The following DCP1B variants were observed in gnomAD, a reference collection of about 807,000 sequenced individuals.
DCP1B encodes decapping mRNA 1B.
A neutral mutation model predicts 60.5 loss-of-function variants in DCP1B; 47 were observed. That is an observed-to-expected ratio of 0.78 (90% CI 0.61 to 0.99). DCP1B has a LOEUF of 0.99. Among genes scored for constraint, DCP1B ranks in the 50% least tolerant of loss-of-function variants. The pLI is 0.00. For missense variants in DCP1B, 725 were observed against 756.8 expected, an observed-to-expected ratio of 0.96 and a Z score of 0.49; for synonymous variants, 267 against 280.3, an observed-to-expected ratio of 0.95 and a Z score of 0.47.
intron 6 of DCP1B, among the ~76,000 whole-genome samples, chr12:1,954,718 G>A (rs1161622662): frequency 1.3e-5 from 2 of 152,162 alleles, no homozygotes; most frequent in African/African-American, 2.4e-5. Flanking sequence ...CAGAGGAGGT[G>A]CTCAGAAGTG....
intron 2 of DCP1B, among the ~76,000 whole-genome samples, chr12:1,994,516 C>G (rs563701019): frequency 1.3e-5 from 2 of 152,192 alleles, no homozygotes; most frequent in East Asian, 3.9e-4. Context: ...CAATCAATAC[C>G]AGAAATAATC....
intron 3 of DCP1B, among the ~76,000 whole-genome samples, chr12:1,976,123 C>T (rs1021269491): frequency 4.6e-5 from 7 of 152,154 alleles, no homozygotes; most frequent in Admixed American, 4.6e-4. Context: ...GTTTAGATCC[C>T]TTCCTTTCAG....
At chr12:1,998,672 ATTTCT>A (rs890353783) in intron 1 of DCP1B, among the ~76,000 whole-genome samples, 1 of 152,196 alleles carries the variant, frequency 6.6e-6, no homozygotes, top group African/African-American at 2.4e-5. Context: ...GTCACTTCAC[ATTTCT>A]TTTCCATTTC....
Position 1,994,645 on chromosome 12 carries a change from T to A in DCP1B, c.192-1254A>T, listed in dbSNP as rs552504044. Reference sequence around the variant, plus strand: ...ATCACCAGTGGGTGTCTCTATGAACTCTCTATTACAGAAAGGAAGGCATGG... The same window carrying A: ...ATCACCAGTGGGTGTCTCTATGAACACTCTATTACAGAAAGGAAGGCATGG... On this transcript the variant is annotated intron_variant, in intron 2 of 8. Transcript: ENST00000280665. Among the ~76,000 whole-genome samples the A allele has an allele frequency of 3.3e-5, 5 of 152,322 alleles. No individual in the cohort carries two copies. In the South Asian group the frequency reaches 1.0e-3, roughly 32 times the overall value.
intron 3 of DCP1B, among the ~76,000 whole-genome samples, chr12:1,979,396 C>T (rs2035450781): frequency 6.6e-6 from 1 of 152,160 alleles, no homozygotes; most frequent in African/African-American, 2.4e-5. Context: ...CTCACTACAA[C>T]CTCCACCTTC....
chr12:1,992,901 G>A (rs1033657870), intron 3 of DCP1B: 32 of 520,558 alleles, frequency 6.1e-5, no homozygotes, highest in South Asian at 1.5e-4. Context: ...TAGCAGACTC[G>A]TTAATTCTTC....
At chr12:1,953,639 T>TA (rs1239138187) in intron 6 of DCP1B, among the ~76,000 whole-genome samples, 3 of 152,232 alleles carry the variant, frequency 2.0e-5, no homozygotes, top group African/African-American at 7.2e-5. Flanking sequence ...GAAGCCCATC[T>TA]AAGCCTGCAG....
chr12:1,954,370 CT>C (rs2030802581), intron 6 of DCP1B, among the ~76,000 whole-genome samples: 1 of 152,054 alleles, frequency 6.6e-6, no homozygotes, highest in Non-Finnish European at 1.5e-5. Flanking sequence ...GTCTTTATGT[CT>C]TTTGGCTCCA....
intron 4 of DCP1B, chr12:1,966,253 C>T (rs2031291167): frequency 6.6e-6 from 1 of 152,308 alleles, no homozygotes; most frequent in Non-Finnish European, 1.5e-5. Flanking sequence ...AACTCAAATC[C>T]TGCAGCTCTC....
At chr12:1,984,983 CATT>C (rs940555979) in intron 3 of DCP1B, among the ~76,000 whole-genome samples, 10 of 151,088 alleles carry the variant, frequency 6.6e-5, no homozygotes, top group Non-Finnish European at 1.3e-4. Flanking sequence ...TCATTCAAAA[CATT>C]ATTATCCTAG....
intron 5 of DCP1B, among the ~76,000 whole-genome samples, chr12:1,958,607 T>C (rs2030994450): frequency 1.4e-5 from 2 of 147,244 alleles, no homozygotes; most frequent in African/African-American, 2.5e-5. Flanking sequence ...GCAATGACTT[T>C]TTCTATAAAC....
chr12:1,975,114 A>G (rs1483861664), intron 3 of DCP1B, among the ~76,000 whole-genome samples: 1 of 152,188 alleles, frequency 6.6e-6, no homozygotes, highest in Non-Finnish European at 1.5e-5. Context: ...CTGATTAAAG[A>G]AAAGTCAGAG....
chr12:1,987,308 T>G (rs959488299), intron 3 of DCP1B, among the ~76,000 whole-genome samples: 2 of 152,218 alleles, frequency 1.3e-5, no homozygotes, highest in African/African-American at 4.8e-5. Flanking sequence ...TATGCTACTC[T>G]TAAACAGGTG....
At chr12:1,992,955 T>C in intron 3 of DCP1B, 1 of 597,064 alleles carries the variant, frequency 1.7e-6, no homozygotes, top group Non-Finnish European at 3.0e-6. Context: ...GTCTCCTCAC[T>C]AAGAACTTGC....
At chr12:1,970,597 A>G (rs1217819806) in intron 3 of DCP1B, among the ~76,000 whole-genome samples, 1 of 152,206 alleles carries the variant, frequency 6.6e-6, no homozygotes, top group Non-Finnish European at 1.5e-5. Context: ...CCTAAGGTCT[A>G]CCAACCCCTG....
chr12:1,946,319 T>A, intron 8 of DCP1B, 33 bp from the exon 9 acceptor site: 7 of 1,561,888 alleles, frequency 4.5e-6, no homozygotes, highest in Non-Finnish European at 5.2e-6. Flanking sequence ...CAAGAGAATG[T>A]TACTTGGTTG....
At position 2,004,280 on chromosome 12, in the gene DCP1B, A is replaced by AC; in HGVS notation, c.150+1dup. The AC allele has an allele frequency of 6.2e-7, 1 of 1,612,980 alleles. No homozygotes were observed. The highest frequency in any genetic ancestry group is 1.3e-5 in the African/African-American group (1 of 75,018). On this transcript the variant is annotated splice_donor_variant, in intron 1 of 8. Transcript: ENST00000280665. LOFTEE classifies it high-confidence loss of function. ...GCACTGCTCCGCCGCGTCCGCACGC[A>AC]CCCACTCGTTGGCCCGATGGCCGAA... is the stretch of plus-strand genomic sequence containing the variant.
In DCP1B at chr12:1,998,065, T is replaced by C; in HGVS notation, c.151-90A>G. On this transcript the variant is annotated intron_variant, in intron 1 of 8. Transcript: ENST00000280665. Reference sequence around the variant, plus strand: ...AAATTCTCATAGAATAGGAATTATATATAACTTCAATGGGCCAAATATACC... The same window carrying C: ...AAATTCTCATAGAATAGGAATTATACATAACTTCAATGGGCCAAATATACC... The C allele has an allele frequency of 3.3e-6, 4 of 1,218,434 alleles. No individual in the cohort carries two copies. The Admixed American group carries it at 7.1e-5, about 22-fold the overall frequency. The allele number at this position is 1,218,434 out of a possible 1,614,324, so 75.5% of individuals were successfully genotyped here.
intron 3 of DCP1B, among the ~76,000 whole-genome samples, chr12:1,975,929 A>C (rs1441150425): frequency 6.6e-6 from 1 of 152,156 alleles, no homozygotes; most frequent in South Asian, 2.1e-4. Context: ...GGTGAAGAGA[A>C]GGGTTGTTTA....
Sources: allele counts gnomAD v4.1 joint callset (sites outside exome capture counted in the v4.1 genomes callset), GRCh38; gene constraint gnomAD v4.1.1; transcripts MANE v1.5; gene names NCBI Gene and HGNC (gene_info 2026-07-23, HGNC 2026-07-21).